Variants in JAZF1 observed in about 807,000 individuals in gnomAD.
The protein encoded by JAZF1 is JAZF zinc finger 1.
Under a neutral mutation model 26.4 loss-of-function variants are expected in JAZF1, and 8 were observed. That is an observed-to-expected ratio of 0.30 (90% CI 0.18 to 0.55). The LOEUF (loss-of-function observed/expected upper bound fraction) is 0.55, where lower values mean the gene tolerates loss of function less well. JAZF1 is among the 20% of genes least tolerant of loss of function. JAZF1 has a pLI of 0.94. For synonymous variants in JAZF1, 126 were observed against 122.3 expected (o/e 1.03, Z -0.20); for missense variants, 199 against 322.0 (o/e 0.62, Z 2.92).
intron 3 of JAZF1, among the ~76,000 whole-genome samples, chr7:27,855,250 C>T (rs913570217): frequency 6.6e-6 from 1 of 151,998 alleles, no homozygotes; most frequent in African/African-American, 2.4e-5. Context: ...ATTTATAGCA[C>T]TAAATGCCCA....
At chr7:28,048,340 C>CT (rs1394917764) in intron 1 of JAZF1, among the ~76,000 whole-genome samples, 1 of 152,094 alleles carries the variant, frequency 6.6e-6, no homozygotes, top group Non-Finnish European at 1.5e-5. Context: ...AGGTTTTTGT[C>CT]TTTAATCTTG....
chr7:27,879,064 AAC>A (rs759801068), intron 3 of JAZF1, among the ~76,000 whole-genome samples: 5 of 152,238 alleles, frequency 3.3e-5, no homozygotes, highest in Non-Finnish European at 7.3e-5. Flanking sequence ...CAGAGATCTT[AAC>A]ACAGAACTCT....
intron 1 of JAZF1, among the ~76,000 whole-genome samples, chr7:28,143,733 G>A (rs189977327): frequency 6.6e-6 from 1 of 152,304 alleles, no homozygotes; most frequent in Non-Finnish European, 1.5e-5. Flanking sequence ...GGAATTTATG[G>A]TATATTCTTT....
rs537248545 is a variant in JAZF1 at position 27,835,347 on chromosome 7, A to G, written c.556-2371T>C. On this transcript the variant is annotated intron_variant, in intron 4 of 4. Transcript: ENST00000283928. ...TGCTAAAGCCATAAAAGCCAGTCCA[A>G]TGTGAAGCCAGATCTGTCGTTCACC... Among the ~76,000 whole-genome samples, 377 of 152,354 alleles carry G rather than the reference A, an allele frequency of 2.5e-3. 1 individual carries two copies. Among genetic ancestry groups the G allele is most frequent in the Non-Finnish European group, 4.1e-3 (281 of 68,040 alleles).
chr7:27,994,207 CTCAAA>C (rs755076073), intron 1 of JAZF1, among the ~76,000 whole-genome samples: 14 of 152,090 alleles, frequency 9.2e-5, no homozygotes, highest in Non-Finnish European at 1.9e-4. Context: ...AATTTTGTTG[CTCAAA>C]TAAATGGCAT....
At chr7:28,008,261 G>A (rs73091019) in intron 1 of JAZF1, among the ~76,000 whole-genome samples, 21,709 of 151,490 alleles carry the variant, frequency 0.14, 1,811 homozygotes, top group South Asian at 0.24. Flanking sequence ...CTGTTGCCCC[G>A]GCTGCAGTAC....
chr7:27,955,229 G>A (rs1785069001), intron 2 of JAZF1, among the ~76,000 whole-genome samples: 2 of 152,194 alleles, frequency 1.3e-5, no homozygotes, highest in Admixed American at 1.3e-4. Flanking sequence ...GGTCATAAAT[G>A]AAACACATCC....
chr7:28,031,729 A>G (rs568855648), intron 1 of JAZF1, among the ~76,000 whole-genome samples: 2 of 152,196 alleles, frequency 1.3e-5, no homozygotes, highest in African/African-American at 4.8e-5. Context: ...GGGGCCAGTC[A>G]TGGGGGTTGG....
chr7:27,983,132 G>A (rs1328773899), intron 2 of JAZF1, among the ~76,000 whole-genome samples: 4 of 152,016 alleles, frequency 2.6e-5, no homozygotes, highest in Non-Finnish European at 4.4e-5. Flanking sequence ...TCAGATGACC[G>A]GTAATAACAA....
At chr7:28,109,450 C>T (rs1784605022) in intron 1 of JAZF1, among the ~76,000 whole-genome samples, 2 of 152,202 alleles carry the variant, frequency 1.3e-5, no homozygotes, top group East Asian at 1.9e-4. Flanking sequence ...ACTGATACGC[C>T]GCATGCCTAC....
At chr7:27,877,946 G>A (rs1203658075) in intron 3 of JAZF1, among the ~76,000 whole-genome samples, 1 of 152,016 alleles carries the variant, frequency 6.6e-6, no homozygotes, top group Non-Finnish European at 1.5e-5. Context: ...TATGCAAAGG[G>A]GGACCATCTA....
intron 2 of JAZF1, among the ~76,000 whole-genome samples, chr7:27,902,184 G>A (rs1307083196): frequency 6.6e-6 from 1 of 152,152 alleles, no homozygotes; most frequent in African/African-American, 2.4e-5. Context: ...GGCTGCCCCA[G>A]ACCCTAATGG....
At chr7:28,102,809 A>C (rs1784493957) in intron 1 of JAZF1, among the ~76,000 whole-genome samples, 1 of 152,240 alleles carries the variant, frequency 6.6e-6, no homozygotes, top group Non-Finnish European at 1.5e-5. Flanking sequence ...CTGAAAAACA[A>C]AATCATAAGA....
intron 1 of JAZF1, among the ~76,000 whole-genome samples, chr7:28,103,896 C>T (rs187405052): frequency 1.3e-5 from 2 of 152,332 alleles, no homozygotes; most frequent in Admixed American, 6.5e-5. Context: ...TCCATCCTGT[C>T]CTCCTCTTCT....
chr7:28,089,524 A>G (rs967741388), intron 1 of JAZF1, among the ~76,000 whole-genome samples: 1 of 152,252 alleles, frequency 6.6e-6, no homozygotes, highest in African/African-American at 2.4e-5. Flanking sequence ...GAACTGGTTA[A>G]CGCGTAGAGA....
At chr7:27,944,483 G>C (rs991490173) in intron 2 of JAZF1, among the ~76,000 whole-genome samples, 60 of 152,120 alleles carry the variant, frequency 3.9e-4, no homozygotes, top group African/African-American at 1.3e-3. Context: ...GACTTTAGTG[G>C]TAGATTATTT....
intron 2 of JAZF1, among the ~76,000 whole-genome samples, chr7:27,959,575 C>G (rs1229423487): frequency 6.6e-6 from 1 of 152,186 alleles, no homozygotes; most frequent in Non-Finnish European, 1.5e-5. Context: ...TAACCATTCT[C>G]CATACAGAGC....
chr7:28,086,768 C>T (rs1784218273), intron 1 of JAZF1, among the ~76,000 whole-genome samples: 1 of 152,152 alleles, frequency 6.6e-6, no homozygotes, highest in Non-Finnish European at 1.5e-5. Context: ...CAATTTCCTT[C>T]TACAAACTAC....
intron 1 of JAZF1, among the ~76,000 whole-genome samples, chr7:28,129,732 T>C (rs1208876218): frequency 6.6e-6 from 1 of 152,014 alleles, no homozygotes. Context: ...TTATAAAAAA[T>C]TTAAAAAAGA....
Sources: allele counts gnomAD v4.1 joint callset (sites outside exome capture counted in the v4.1 genomes callset), GRCh38; gene constraint gnomAD v4.1.1; transcripts MANE v1.5; gene names NCBI Gene and HGNC (gene_info 2026-07-23, HGNC 2026-07-21).